The following TRPA1 variants were observed in gnomAD, a reference collection of about 807,000 sequenced individuals.
TRPA1 encodes the protein ankyrin-like with transmembrane domains 1.
TRPA1 carries 129 observed loss-of-function variants against 131.3 expected under a neutral mutation model. That is an observed-to-expected ratio of 0.98 (90% CI 0.85 to 1.14). The LOEUF (loss-of-function observed/expected upper bound fraction) is 1.14. Among genes scored for constraint, TRPA1 ranks in the 50% most tolerant of loss-of-function variants. TRPA1 has a pLI of 0.00. For missense variants in TRPA1, 1,304 were observed against 1,354.2 expected (o/e 0.96, Z 0.58); for synonymous variants, 441 against 451.7 (o/e 0.98, Z 0.30).
Position 72,021,944 on chromosome 8 carries a change from T to C in TRPA1, c.*962A>G, listed in dbSNP as rs891224181. 4 of 152,146 alleles carry C rather than the reference T, an allele frequency of 2.6e-5. No individual in the cohort carries two copies. The highest frequency in any genetic ancestry group is 1.5e-5 in the Non-Finnish European group (1 of 68,018). The allele number at this position is 152,146 out of a possible 1,614,324, so 9.4% of individuals were successfully genotyped here. A position where few individuals can be genotyped will look rare whatever the true frequency, so the allele number is the denominator to read the frequency against. ...AGACTCAAAACAACACTGTACAACA[T>C]AACACAAGGACACATACATAGCCAA... On this transcript the variant is annotated 3_prime_UTR_variant, in exon 27 of 27. Transcript: ENST00000262209.
chr8:72,087,631 A>AAAAT, the TRPA1 span, among the ~76,000 whole-genome samples: 1 of 146,382 alleles, frequency 6.8e-6, no homozygotes, highest in Admixed American at 6.8e-5. Context: ...GGATCTATCA[A>AAAAT]ATATATATAT....
At chr8:72,066,522 G>C (rs992576616) in intron 3 of TRPA1, among the ~76,000 whole-genome samples, 1 of 152,158 alleles carries the variant, frequency 6.6e-6, no homozygotes, top group Non-Finnish European at 1.5e-5. Context: ...TTAACAGAAC[G>C]TATCCCTTGT....
At chr8:72,068,148 G>A (rs550565494) in intron 3 of TRPA1, among the ~76,000 whole-genome samples, 1 of 152,330 alleles carries the variant, frequency 6.6e-6, no homozygotes, top group East Asian at 1.9e-4. Flanking sequence ...AAGCCTCAGA[G>A]GGCTGAGAGA....
intron 18 of TRPA1, among the ~76,000 whole-genome samples, 178 bp from the exon 19 acceptor site, chr8:72,039,205 G>A (rs1026520117): frequency 6.6e-6 from 1 of 152,012 alleles, no homozygotes; most frequent in Non-Finnish European, 1.5e-5. Flanking sequence ...GGAACCTCAA[G>A]TTCTAAGCAA....
intron 3 of TRPA1, among the ~76,000 whole-genome samples, 156 bp from the exon 4 acceptor site, chr8:72,065,714 T>C (rs1805915930): frequency 6.6e-6 from 1 of 152,188 alleles, no homozygotes; most frequent in South Asian, 2.1e-4. Flanking sequence ...ATCTTGCACA[T>C]TGTGGGTACT....
chr8:72,026,474 G>A (rs187877094), intron 24 of TRPA1, among the ~76,000 whole-genome samples: 1 of 152,364 alleles, frequency 6.6e-6, no homozygotes, highest in African/African-American at 2.4e-5. Context: ...CAACTGGACA[G>A]TGTGAATGCG....
intron 2 of TRPA1, among the ~76,000 whole-genome samples, chr8:72,071,200 C>T (rs1806053221): frequency 6.6e-6 from 1 of 152,114 alleles, no homozygotes; most frequent in Non-Finnish European, 1.5e-5. Flanking sequence ...ACAATATTGA[C>T]AGAATTATCT....
chr8:72,026,195 C>A, intron 24 of TRPA1, 122 bp from the exon 25 acceptor site: 1 of 784,994 alleles, frequency 1.3e-6, no homozygotes, highest in South Asian at 1.5e-5. Flanking sequence ...GACTTCTGTG[C>A]CACAGCTGGG....
upstream of TRPA1, among the ~76,000 whole-genome samples, chr8:72,079,452 T>TA (rs935761417): frequency 2.0e-5 from 3 of 151,958 alleles, no homozygotes; most frequent in African/African-American, 4.8e-5. Context: ...TACTAGTTGT[T>TA]AAAAAAACTA....
intron 20 of TRPA1, 26 bp from the exon 21 acceptor site, chr8:72,036,483 A>G: frequency 6.2e-7 from 1 of 1,600,602 alleles, no homozygotes; most frequent in Non-Finnish European, 8.6e-7. Context: ...ATAAAAAATT[A>G]CCACATATAG....
chr8:72,043,468 A>G (rs187634035), intron 17 of TRPA1, among the ~76,000 whole-genome samples: 378 of 151,946 alleles, frequency 2.5e-3, no homozygotes, highest in African/African-American at 8.4e-3. Context: ...TCCCTTATTT[A>G]TAAATATTAT....
At chr8:72,023,279 G>A in intron 26 of TRPA1, 163 bp from the exon 27 acceptor site, 1 of 772,724 alleles carries the variant, frequency 1.3e-6, no homozygotes, top group Middle Eastern at 3.7e-4. Flanking sequence ...TATTTTTGAA[G>A]TTTAAATGAT....
rs1309610756 is a variant in TRPA1, at chr8:72,022,008, G to GAGGGAATAA, written c.*889_*897dup. Reference sequence around the variant, plus strand: ...ACAGTGAATATCTCCTGGGGGTAGTGAGGGAATAAACATGCTAATCAGGAT... The same window carrying GAGGGAATAA: ...ACAGTGAATATCTCCTGGGGGTAGTGAGGGAATAAAGGGAATAAACATGCTAATCAGGAT... On this transcript the variant is annotated 3_prime_UTR_variant, in exon 27 of 27. Transcript: ENST00000262209. 1 of 152,182 alleles carries GAGGGAATAA rather than the reference G, an allele frequency of 6.6e-6. No individual in the cohort carries two copies. Among genetic ancestry groups the GAGGGAATAA allele is most frequent in the African/African-American group, 2.4e-5 (1 of 41,416 alleles). 9.4% of individuals were successfully genotyped at this position (152,182 alleles called of 1,614,324 possible). A position where few individuals can be genotyped will look rare whatever the true frequency, so the allele number is the denominator to read the frequency against.
intron 21 of TRPA1, among the ~76,000 whole-genome samples, chr8:72,036,005 C>CAAAAA (rs58197251): frequency 2.3e-3 from 102 of 44,900 alleles, no homozygotes; most frequent in East Asian, 8.7e-3. Flanking sequence ...TCCCCCTCCA[C>CAAAAA]AAAAAAAAAA....
chr8:72,039,687 T>C lies in TRPA1; in HGVS notation c.2132+40A>G, dbSNP rs1438122576. The C allele has an allele frequency of 4.0e-6, 5 of 1,245,770 alleles. No homozygotes were observed. The East Asian group carries it at 7.0e-5, about 17-fold the overall frequency. 77.2% of individuals were successfully genotyped at this position (1,245,770 alleles called of 1,614,324 possible). A position where few individuals can be genotyped will look rare whatever the true frequency, so the allele number is the denominator to read the frequency against. ...TTTGAAGGCTTTGTAATAGATCCAA[T>C]AGACACAGCATTAAACAAGAAATAC... On this transcript the variant is annotated intron_variant, in intron 18 of 26. Transcript: ENST00000262209.
chr8:72,037,780 T>C (rs1162801767), intron 20 of TRPA1, among the ~76,000 whole-genome samples: 1 of 152,056 alleles, frequency 6.6e-6, no homozygotes, highest in Non-Finnish European at 1.5e-5. Context: ...CTTTCATAGA[T>C]ATATCAAATA....
At chr8:72,071,173 C>T (rs1806050491) in intron 2 of TRPA1, among the ~76,000 whole-genome samples, 1 of 152,162 alleles carries the variant, frequency 6.6e-6, no homozygotes, top group South Asian at 2.1e-4. Context: ...TTGGCTTCCA[C>T]TTCTAATCCA....
intron 11 of TRPA1, 33 bp from the exon 12 acceptor site, chr8:72,055,633 C>G: frequency 6.2e-7 from 1 of 1,613,212 alleles, no homozygotes; most frequent in Non-Finnish European, 8.5e-7. Context: ...ATTTTCAAGG[C>G]AAATATTAAA....
intron 21 of TRPA1, among the ~76,000 whole-genome samples, chr8:72,035,849 G>C (rs1048042290): frequency 4.0e-5 from 6 of 151,742 alleles, no homozygotes; most frequent in Admixed American, 3.9e-4. Context: ...CTTGACCTGG[G>C]CTCATTTGGC....
Sources: gnomAD v4.1 joint callset for allele counts (sites outside exome capture counted in the v4.1 genomes callset) on GRCh38, gnomAD v4.1.1 for gene constraint, MANE v1.5 for transcripts, NCBI Gene and HGNC (gene_info 2026-07-23, HGNC 2026-07-21) for gene names.